TIMP2: variants seen among roughly 807,000 people sequenced by gnomAD.
The protein encoded by TIMP2 is metalloproteinase inhibitor 2.
TIMP2 carries 5 observed loss-of-function variants against 24.3 expected under a neutral mutation model. The observed-to-expected ratio is 0.21, with a 90% CI of 0.11 to 0.43. TIMP2 has a LOEUF of 0.43. TIMP2 is among the 20% of genes least tolerant of loss of function. The probability of loss-of-function intolerance (pLI) is 1.00; values close to 1 mark genes in which losing one functional copy is unlikely to be tolerated. For synonymous variants in TIMP2, 130 were observed against 123.2 expected, an observed-to-expected ratio of 1.06 and a Z score of -0.37; for missense variants, 221 against 297.5, an observed-to-expected ratio of 0.74 and a Z score of 1.89.
chr17:78,890,644 T>A (rs1336156758), intron 1 of TIMP2: 1 of 1,549,882 alleles, frequency 6.5e-7, no homozygotes, highest in Non-Finnish European at 8.7e-7. Context: ...GCATTTAGCA[T>A]ATGTTCTGAA....
chr17:78,906,752 T>C (rs1003396486), intron 1 of TIMP2, among the ~76,000 whole-genome samples: 2 of 151,598 alleles, frequency 1.3e-5, no homozygotes, highest in Non-Finnish European at 2.9e-5. Flanking sequence ...CTGGCTAATT[T>C]TTGTATTTTT....
chr17:78,904,764 G>C (rs2070142341), intron 1 of TIMP2: 1 of 152,252 alleles, frequency 6.6e-6, no homozygotes, highest in African/African-American at 2.4e-5. Context: ...TCCTCGCCAG[G>C]TGGGGCACCA....
chr17:78,912,405 G>A (rs1374258153), intron 1 of TIMP2, among the ~76,000 whole-genome samples: 4 of 152,172 alleles, frequency 2.6e-5, no homozygotes. Context: ...TTACAGATCA[G>A]AAAGGGCCAA....
At chr17:78,919,464 G>C (rs2070291534) in intron 1 of TIMP2, among the ~76,000 whole-genome samples, 2 of 152,134 alleles carry the variant, frequency 1.3e-5, no homozygotes, top group African/African-American at 4.8e-5. Context: ...AGGGGTTACG[G>C]TCCCCAGTGC....
rs923124096 is a variant in TIMP2 at position 78,853,634 on chromosome 17, A to C, written c.*2033T>G. On this transcript the variant is annotated 3_prime_UTR_variant, in exon 5 of 5. Coordinates refer to ENST00000262768, the MANE Select transcript of TIMP2 (RefSeq NM_003255.5). ...CCAAAGGAAAGACCTGAAGGAATCC[A>C]CCTGCATAGGCCACGCGTTCCACTC... is the stretch of plus-strand genomic sequence containing the variant. 3 of 152,670 alleles carry C rather than the reference A, an allele frequency of 2.0e-5. No homozygotes were observed. Among genetic ancestry groups the C allele is most frequent in the African/African-American group, 7.2e-5 (3 of 41,448 alleles). 9.5% of individuals were successfully genotyped at this position (152,670 alleles called of 1,614,324 possible).
intron 1 of TIMP2, among the ~76,000 whole-genome samples, chr17:78,888,799 A>G (rs934256808): frequency 2.6e-5 from 4 of 152,186 alleles, no homozygotes; most frequent in Non-Finnish European, 5.9e-5. Flanking sequence ...GCGCACAGGT[A>G]GTGAATATTC....
chr17:78,892,519 C>G, intron 1 of TIMP2: 8 of 1,484,436 alleles, frequency 5.4e-6, no homozygotes, highest in Non-Finnish European at 3.6e-6. Flanking sequence ...GTGAGCAAAG[C>G]CCTGGAGACA....
intron 2 of TIMP2, among the ~76,000 whole-genome samples, chr17:78,871,973 T>C (rs776817035): frequency 7.9e-5 from 12 of 152,098 alleles, no homozygotes; most frequent in Non-Finnish European, 1.8e-4. Context: ...CACGTGACTC[T>C]GGACCACCAT....
At chr17:78,867,995 T>C (rs549880865) in intron 3 of TIMP2, among the ~76,000 whole-genome samples, 2 of 152,328 alleles carry the variant, frequency 1.3e-5, no homozygotes, top group East Asian at 3.9e-4. Context: ...GGAACATCTG[T>C]GTGCTCCATG....
intron 1 of TIMP2, among the ~76,000 whole-genome samples, chr17:78,882,251 C>T (rs562936802): frequency 3.9e-5 from 6 of 152,336 alleles, no homozygotes; most frequent in South Asian, 2.1e-4. Flanking sequence ...GGATTACAGG[C>T]GTGAGCCACC....
intron 1 of TIMP2, among the ~76,000 whole-genome samples, chr17:78,910,194 CTT>C (rs941956227): frequency 2.7e-4 from 39 of 142,582 alleles, no homozygotes; most frequent in Non-Finnish European, 2.8e-4. Flanking sequence ...ATTTCTTTTT[CTT>C]TTTTTTTTTT....
intron 1 of TIMP2, among the ~76,000 whole-genome samples, chr17:78,888,467 G>A (rs554974240): frequency 6.7e-6 from 1 of 149,554 alleles, no homozygotes; most frequent in Admixed American, 6.6e-5. Flanking sequence ...GTATCTTTTT[G>A]TTTCTGAGAC....
chr17:78,908,688 T>G (rs886242971), intron 1 of TIMP2, among the ~76,000 whole-genome samples: 4 of 152,218 alleles, frequency 2.6e-5, no homozygotes, highest in Non-Finnish European at 5.9e-5. Flanking sequence ...TCCTTTGTGC[T>G]GAAAAGCCCT....
At chr17:78,884,047 C>T (rs2069803530) in intron 1 of TIMP2, among the ~76,000 whole-genome samples, 1 of 152,232 alleles carries the variant, frequency 6.6e-6, no homozygotes, top group African/African-American at 2.4e-5. Context: ...TCTGCATTTT[C>T]TCCGTCAAGA....
chr17:78,877,319 C>G (rs571425833), intron 1 of TIMP2, among the ~76,000 whole-genome samples: 1 of 152,374 alleles, frequency 6.6e-6, no homozygotes, highest in Non-Finnish European at 1.5e-5. Context: ...TGGCTCACTC[C>G]TATAATCCCA....
intron 3 of TIMP2, among the ~76,000 whole-genome samples, chr17:78,863,164 CCCA>C (rs2145747900): frequency 6.6e-6 from 1 of 152,354 alleles, no homozygotes; most frequent in South Asian, 2.1e-4. Flanking sequence ...CGTTTACATT[CCCA>C]CCAACAGCGC....
At position 78,878,756 on chromosome 17, in the gene TIMP2, G is replaced by C. The variant is rs1032184396; in HGVS notation, c.131-4837C>G. Among the ~76,000 whole-genome samples, 92 of 152,094 alleles carry C rather than the reference G, an allele frequency of 6.0e-4. 6 individuals are homozygous for C. Among genetic ancestry groups the C allele is most frequent in the Non-Finnish European group, 5.9e-5 (4 of 68,030 alleles). ...GAGGGGCAGGGAAGTGGGGGTGAGG[G>C]GCCTGGAGGAGCAGAGCCTGAGGGC... On this transcript the variant is annotated intron_variant, in intron 1 of 4. Transcript: ENST00000262768.
At chr17:78,903,004 TGGCCCACTCTCCGG>T (rs1413543475) in intron 1 of TIMP2, 1 of 152,418 alleles carries the variant, frequency 6.6e-6, no homozygotes, top group Non-Finnish European at 1.5e-5. Context: ...AGCCCCTCCT[TGGCCCACTCTCCGG>T]GGCCCTCTTG....
intron 1 of TIMP2, among the ~76,000 whole-genome samples, chr17:78,910,228 T>C (rs1215805939): frequency 1.3e-5 from 2 of 151,964 alleles, no homozygotes; most frequent in East Asian, 3.9e-4. Flanking sequence ...AGTCTCGCTC[T>C]GTAGCCCAGG....
Sources: allele counts gnomAD v4.1 joint callset (sites outside exome capture counted in the v4.1 genomes callset), GRCh38; gene constraint gnomAD v4.1.1; transcripts MANE v1.5; gene names NCBI Gene and HGNC (gene_info 2026-07-23, HGNC 2026-07-21).